LYST: variants seen among roughly 807,000 people sequenced by gnomAD.
LYST encodes the protein lysosomal-trafficking regulator.
A neutral mutation model predicts 413.6 loss-of-function variants in LYST; 192 were observed. The ratio of observed to expected loss-of-function variants is 0.46; its 90% confidence interval spans 0.41 to 0.52. LYST has a LOEUF of 0.52. LYST is among the 20% of genes least tolerant of loss of function. The pLI, the probability that LYST is intolerant of heterozygous loss-of-function variation, is 0.00. For synonymous variants in LYST, 1,525 were observed against 1,567.3 expected, an observed-to-expected ratio of 0.97 and a Z score of 0.64; for missense variants, 3,815 against 4,499.9, an observed-to-expected ratio of 0.85 and a Z score of 4.35.
chr1:235,712,330 G>T lies in LYST; in HGVS notation c.9785-133C>A. On this transcript the variant is annotated intron_variant, in intron 42 of 52. Coordinates refer to ENST00000389793, the MANE Select transcript of LYST (RefSeq NM_000081.4). ...AATTTTGTTTGCCCATAGTTTAAAA[G>T]AAGTTATTCATGTTCTTGAAAATAA... 4.4e-6 allele frequency: 3 copies of T among 675,084 alleles called. No individual in the cohort carries two copies. The South Asian group carries it at 6.7e-5, about 15-fold the overall frequency. 41.8% of individuals were successfully genotyped at this position (675,084 alleles called of 1,614,324 possible).
At chr1:235,842,734 T>C (rs1677357002) in intron 1 of LYST, among the ~76,000 whole-genome samples, 1 of 152,180 alleles carries the variant, frequency 6.6e-6, no homozygotes, top group Non-Finnish European at 1.5e-5. Context: ...CTTCTGGAAA[T>C]GAAATGGTCA....
At chr1:235,838,455 T>C (rs1676815202) in intron 1 of LYST, among the ~76,000 whole-genome samples, 1 of 152,242 alleles carries the variant, frequency 6.6e-6, no homozygotes, top group Admixed American at 6.5e-5. Flanking sequence ...AACTGGGTTA[T>C]CTGGAATGAA....
intron 49 of LYST, 105 bp downstream of exon 49, chr1:235,677,375 T>G: frequency 7.7e-7 from 1 of 1,304,260 alleles, no homozygotes. Flanking sequence ...GTTTCATGGT[T>G]AAAATGATTA....
At chr1:235,725,327 G>C (rs530732260) in intron 38 of LYST, among the ~76,000 whole-genome samples, 3 of 152,020 alleles carry the variant, frequency 2.0e-5, no homozygotes, top group Admixed American at 6.6e-5. Flanking sequence ...CCAGCTACTC[G>C]GGAGGCTGAG....
intron 44 of LYST, among the ~76,000 whole-genome samples, chr1:235,705,519 A>T (rs1661905320): frequency 6.6e-6 from 1 of 151,498 alleles, no homozygotes; most frequent in Admixed American, 6.6e-5. Context: ...TTGAGTAGCT[A>T]AGATTACAGG....
At chr1:235,715,505 T>A (rs1472872602) in intron 41 of LYST, 148 bp from the exon 42 acceptor site, 3 of 728,722 alleles carry the variant, frequency 4.1e-6, no homozygotes, top group Non-Finnish European at 4.7e-6. Context: ...CCCAGGAGAC[T>A]TCAGCCTCCT....
rs181286323 is a variant in LYST at position 235,677,640 on chromosome 1, A to G, written c.10801-21T>C. On this transcript the variant is annotated intron_variant, in intron 48 of 52. Coordinates refer to ENST00000389793, the MANE Select transcript of LYST (RefSeq NM_000081.4). ...GATGGCTGAAATTTTAAAATTAAGT[A>G]TGAGATAAAAACCACAACAAAAAGT... 3.5e-4 allele frequency: 562 copies of G among 1,602,514 alleles called. 1 individual carries two copies. The highest frequency in any genetic ancestry group is 3.7e-4 in the Non-Finnish European group (428 of 1,170,054).
At chr1:235,762,106 T>C (rs1467089287) in intron 22 of LYST, among the ~76,000 whole-genome samples, 1 of 151,864 alleles carries the variant, frequency 6.6e-6, no homozygotes, top group Non-Finnish European at 1.5e-5. Flanking sequence ...ACATGTATCC[T>C]AAAACTTAAA....
At chr1:235,832,982 C>CT (rs1338456748) in intron 2 of LYST, among the ~76,000 whole-genome samples, 1 of 151,946 alleles carries the variant, frequency 6.6e-6, no homozygotes, top group African/African-American at 2.4e-5. Flanking sequence ...AACTTCTGAG[C>CT]TTTTTTATTA....
Position 235,753,270 on chromosome 1 carries a change from C to A in LYST, c.7234G>T (p.Asp2412Tyr). Reference protein sequence around the residue: ...GRHIGLDEEFDLEDVRNMGLF... With the variant: ...GRHIGLDEEFYLEDVRNMGLF... Reference sequence around the variant, plus strand: ...CCCATGTTTCTCACATCTTCCAGATCAAATCTATAATAAATAATACAGTTA... The same window carrying A: ...CCCATGTTTCTCACATCTTCCAGATAAAATCTATAATAAATAATACAGTTA... The change falls in exon 26 of 53, where the codon GAT becomes TAT. Residue 2412 changes from aspartate (D) to tyrosine (Y), a missense_variant. Around this residue, in one of 4 missense-constraint regions of LYST, gnomAD observed 771 missense variants for 837.1 expected, o/e 0.92. Coordinates refer to ENST00000389793, the MANE Select transcript of LYST (RefSeq NM_000081.4). The A allele has an allele frequency of 6.4e-7, 1 of 1,557,584 alleles. No individual in the cohort carries two copies. The highest frequency in any genetic ancestry group is 1.1e-5 in the South Asian group (1 of 89,778).
intron 4 of LYST, 41 bp downstream of exon 4, chr1:235,812,930 T>A: frequency 7.8e-7 from 1 of 1,275,232 alleles, no homozygotes; most frequent in Non-Finnish European, 1.1e-6. Context: ...TTCTATGAAA[T>A]TTTGATAACA....
Position 235,715,296 on chromosome 1 carries a change from G to T in LYST, c.9689C>A (p.Pro3230His). The change falls in exon 42 of 53, where the codon CCC becomes CAC. Residue 3230 changes from proline to histidine, a missense_variant. Pro to His is a moderately conservative substitution (Grantham distance 77, BLOSUM62 -2). Coordinates refer to ENST00000389793, the MANE Select transcript of LYST (RefSeq NM_000081.4). ...GGAATAGTGGGAGCCATAGTGATAGGGCTGCACGGGAGGCATGGGGTCATC... is the reference window on the plus strand; with the variant it reads ...GGAATAGTGGGAGCCATAGTGATAGTGCTGCACGGGAGGCATGGGGTCATC... ...REDDPMPPVQPYHYGSHYSNS... is the reference protein window; with the variant it reads ...REDDPMPPVQHYHYGSHYSNS... 6.2e-7 allele frequency: 1 copy of T among 1,614,004 alleles called. No homozygotes were observed. Among genetic ancestry groups the T allele is most frequent in the Non-Finnish European group, 8.5e-7 (1 of 1,179,926 alleles).
chr1:235,847,396 A>G (rs1030743580), intron 1 of LYST, among the ~76,000 whole-genome samples: 1 of 152,196 alleles, frequency 6.6e-6, no homozygotes, highest in African/African-American at 2.4e-5. Flanking sequence ...CTTGAAACAA[A>G]TCCTGGAAAC....
intron 31 of LYST, 98 bp downstream of exon 31, chr1:235,741,324 T>C: frequency 1.9e-6 from 2 of 1,051,974 alleles, no homozygotes; most frequent in Admixed American, 1.7e-5. Flanking sequence ...TATTTATAAA[T>C]TAGGCATGAA....
chr1:235,842,287 A>G (rs1177901776), intron 1 of LYST, among the ~76,000 whole-genome samples: 1 of 152,072 alleles, frequency 6.6e-6, no homozygotes, highest in East Asian at 1.9e-4. Flanking sequence ...GGAAGTGTGG[A>G]TCTCTACCAG....
At chr1:235,694,602 G>C (rs1385015640) in intron 46 of LYST, among the ~76,000 whole-genome samples, 4 of 152,090 alleles carry the variant, frequency 2.6e-5, no homozygotes, top group Non-Finnish European at 5.9e-5. Flanking sequence ...AGTGAAAATA[G>C]GCAATTCACA....
In LYST at chr1:235,746,336, C is replaced by T. The variant is rs1665924711; in HGVS notation, c.7972G>A (p.Glu2658Lys). The stretch of plus-strand genomic sequence containing the variant: ...AAACAAACTAATCCTATAGTCTTAC[C>T]TTGATAAATAATCCTGTTGACTGCT... ...VLAVNRIIYQ[E>K]FNSDIIDILR... The change falls in exon 29 of 53, where the codon GAA (glutamate) becomes AAA (lysine). Residue 2658 changes from glutamate to lysine, a missense_variant and splice_region_variant. Glu to Lys is a moderately conservative substitution (Grantham distance 56). Coordinates refer to ENST00000389793, the MANE Select transcript of LYST (RefSeq NM_000081.4). 1 of 1,612,374 alleles carries T rather than the reference C, an allele frequency of 6.2e-7. No individual in the cohort carries two copies. Among genetic ancestry groups the T allele is most frequent in the Non-Finnish European group, 8.5e-7 (1 of 1,178,662 alleles).
rs1662730338 is a variant in LYST, at chr1:235,715,216, A to G, written c.9769T>C (p.Phe3257Leu). ...AAATTCTTACCTTGATAGGCTAAAA[A>G]CATTTTAGTGAAAGGAGGCATCCTG... Reference protein sequence around the residue: ...LVRMPPFTKMFLAYQDQSFDI... With the variant: ...LVRMPPFTKMLLAYQDQSFDI... The change falls in exon 42 of 53, where the codon TTT becomes CTT. Residue 3257 changes from phenylalanine (F) to leucine (L), a missense_variant. Phe to Leu is a conservative substitution (Grantham distance 22). This residue lies in a region of LYST where 866 missense variants were observed against 1,156.0 expected (regional missense o/e 0.75). Coordinates refer to ENST00000389793, the MANE Select transcript of LYST (RefSeq NM_000081.4). 3 of 1,613,924 alleles carry G rather than the reference A, an allele frequency of 1.9e-6. No homozygotes were observed. Among genetic ancestry groups the G allele is most frequent in the Non-Finnish European group, 2.5e-6 (3 of 1,179,958 alleles).
At chr1:235,827,418 G>C (rs2102983306) in intron 3 of LYST, 1 of 983,288 alleles carries the variant, frequency 1.0e-6, no homozygotes, top group Non-Finnish European at 1.2e-6. Context: ...CAGTTGGTGG[G>C]AAAGGGCTTA....
Sources: gnomAD v4.1 joint callset for allele counts (sites outside exome capture counted in the v4.1 genomes callset) on GRCh38, gnomAD v4.1.1 for gene constraint, gnomAD v4.1.1 regional missense constraint, MANE v1.5 for transcripts, NCBI Gene and HGNC (gene_info 2026-07-23, HGNC 2026-07-21) for gene names.